LONRF1: variants seen among roughly 807,000 people sequenced by gnomAD.
LONRF1 encodes the protein LON peptidase N-terminal domain and ring finger 1.
Under a neutral mutation model 85.8 loss-of-function variants are expected in LONRF1, and 37 were observed. That is an observed-to-expected ratio of 0.43 (90% confidence interval 0.33 to 0.57). The LOEUF is 0.57. LONRF1 is among the 20% of genes least tolerant of loss of function. The pLI is 0.04. For missense variants in LONRF1, 1,036 were observed against 978.0 expected (o/e 1.06, Z -0.79); for synonymous variants, 517 against 390.1 (o/e 1.33, Z -3.83).
rs542357129 is a variant in LONRF1 at position 12,745,206 on chromosome 8, C to T, written c.722-1924G>A. 7.2e-5 allele frequency among the ~76,000 whole-genome samples: 11 copies of T among 151,972 alleles called. No homozygotes were observed. The South Asian group carries it at 1.0e-3, about 14-fold the overall frequency. On this transcript the variant is annotated intron_variant, in intron 1 of 11. Coordinates refer to ENST00000398246, the MANE Select transcript of LONRF1 (RefSeq NM_152271.5). Reference sequence around the variant, plus strand: ...TGTTGGGGTAAGAAGAGAAGATGCACGCCCTAAGTAGAGATAAAAAGAGCC... The same window carrying T: ...TGTTGGGGTAAGAAGAGAAGATGCATGCCCTAAGTAGAGATAAAAAGAGCC...
rs143151853 is a variant in LONRF1, at chr8:12,738,259, A to G, written c.964-115T>C. 7.0e-6 allele frequency: 5 copies of G among 717,960 alleles called. No homozygotes were observed. The East Asian group carries it at 1.5e-4, about 22-fold the overall frequency. 44.5% of individuals were successfully genotyped at this position (717,960 alleles called of 1,614,324 possible). A position where few individuals can be genotyped will look rare whatever the true frequency, so the allele number is the denominator to read the frequency against. On this transcript the variant is annotated intron_variant, in intron 3 of 11. Coordinates refer to ENST00000398246, the MANE Select transcript of LONRF1 (RefSeq NM_152271.5). ...AAAGTTTGTAGCAGACATTTTTTTA[A>G]TGAGCAGGAGGGGAACAAGGTAAGC...
At chr8:12,730,059 T>C (rs56114121) in intron 8 of LONRF1, among the ~76,000 whole-genome samples, 17,755 of 152,172 alleles carry the variant, frequency 0.12, 1,391 homozygotes, top group South Asian at 0.24. Flanking sequence ...CAGCTTATTT[T>C]CAGACATAAG....
intron 8 of LONRF1, among the ~76,000 whole-genome samples, chr8:12,730,342 C>T (rs1036329248): frequency 6.6e-6 from 1 of 152,126 alleles, no homozygotes; most frequent in African/African-American, 2.4e-5. Context: ...ATATGTATGC[C>T]AAAATGCCAA....
chr8:12,723,285 T>A, intron 11 of LONRF1, 31 bp from the exon 12 acceptor site: 1 of 1,569,088 alleles, frequency 6.4e-7, no homozygotes, highest in Non-Finnish European at 8.6e-7. Context: ...ATAGCATTAA[T>A]AAAACAAGGA....
At chr8:12,733,832 A>G (rs1271876013) in intron 7 of LONRF1, among the ~76,000 whole-genome samples, 10 of 152,182 alleles carry the variant, frequency 6.6e-5, no homozygotes, top group Non-Finnish European at 1.2e-4. Context: ...TGAACAGCAT[A>G]CCAATCTTTT....
intron 10 of LONRF1, 104 bp downstream of exon 10, chr8:12,728,797 C>T (rs1180123077): frequency 9.5e-6 from 12 of 1,267,178 alleles, no homozygotes; most frequent in South Asian, 1.4e-5. Context: ...GTAAGGCTGT[C>T]TGATAAGAAC....
intron 1 of LONRF1, among the ~76,000 whole-genome samples, chr8:12,747,165 G>C (rs1222353809): frequency 6.6e-6 from 1 of 152,048 alleles, no homozygotes; most frequent in Non-Finnish European, 1.5e-5. Flanking sequence ...AGTATTATTT[G>C]TAAGTCATTC....
At chr8:12,740,114 G>C (rs995389665) in intron 3 of LONRF1, among the ~76,000 whole-genome samples, 4 of 152,120 alleles carry the variant, frequency 2.6e-5, no homozygotes, top group Non-Finnish European at 4.4e-5. Flanking sequence ...CTGACAAAAA[G>C]CCACACTCTA....
intron 1 of LONRF1, among the ~76,000 whole-genome samples, chr8:12,743,483 G>T (rs1017703392): frequency 1.3e-5 from 2 of 152,118 alleles, no homozygotes; most frequent in African/African-American, 4.8e-5. Flanking sequence ...TCAAATCATT[G>T]TAAGTAGATC....
Position 12,729,008 on chromosome 8 carries a change from C to T in LONRF1, c.1903G>A (p.Gly635Arg), listed in dbSNP as rs779311302. ...QIRNVHFLPDGRSVVDTVGGK... is the reference protein window; with the variant it reads ...QIRNVHFLPDRRSVVDTVGGK... The stretch of plus-strand genomic sequence containing the variant: ...CCAACTGTATCAACCACAGACCTTC[C>T]GTCCGGTAAGAAATGCACGTTTCTA... The change falls in exon 10 of 12, where the codon GGA becomes AGA. Residue 635 changes from glycine to arginine, a missense_variant. Physicochemically the swap from Gly to Arg is moderately radical, Grantham distance 125. Around this residue, in one of 3 missense-constraint regions of LONRF1, gnomAD observed 265 missense variants for 301.5 expected, o/e 0.88. Transcript: ENST00000398246. The T allele has an allele frequency of 1.2e-6, 2 of 1,614,020 alleles. No homozygotes were observed. The highest frequency in any genetic ancestry group is 1.7e-5 in the Admixed American group (1 of 60,008).
At chr8:12,730,748 T>C (rs1033368753) in intron 8 of LONRF1, among the ~76,000 whole-genome samples, 8 of 152,302 alleles carry the variant, frequency 5.3e-5, no homozygotes, top group Middle Eastern at 3.4e-3. Context: ...AGAAGACAAA[T>C]CAATATCTAT....
At chr8:12,746,673 G>T (rs889080495) in intron 1 of LONRF1, among the ~76,000 whole-genome samples, 2 of 152,144 alleles carry the variant, frequency 1.3e-5, no homozygotes, top group Non-Finnish European at 2.9e-5. Flanking sequence ...TGTTCTAAAT[G>T]ATTTACAATC....
chr8:12,737,717 G>T (rs1027438429), intron 4 of LONRF1, among the ~76,000 whole-genome samples: 7 of 152,014 alleles, frequency 4.6e-5, no homozygotes, highest in Non-Finnish European at 1.0e-4. Context: ...TAACACAGCT[G>T]TTACTACCCT....
chr8:12,739,873 G>A (rs781262312), intron 3 of LONRF1, among the ~76,000 whole-genome samples: 6 of 152,162 alleles, frequency 3.9e-5, no homozygotes, highest in Non-Finnish European at 5.9e-5. Context: ...TCTTAAATCA[G>A]TGGGCTAGAA....
chr8:12,751,688 C>CTT (rs74275298), intron 1 of LONRF1, among the ~76,000 whole-genome samples: 5,332 of 140,892 alleles, frequency 0.038, 138 homozygotes, highest in South Asian at 0.13. Context: ...ACCTTACAAC[C>CTT]TTTTTTTTTT....
intron 8 of LONRF1, 44 bp from the exon 9 acceptor site, chr8:12,729,376 A>G: frequency 6.3e-7 from 1 of 1,585,018 alleles, no homozygotes; most frequent in Admixed American, 1.7e-5. Flanking sequence ...TACAAGAAAA[A>G]TATTACCGAA....
chr8:12,723,932 A>G (rs536484197), intron 11 of LONRF1, among the ~76,000 whole-genome samples: 1 of 152,346 alleles, frequency 6.6e-6, no homozygotes, highest in African/African-American at 2.4e-5. Context: ...ACTATTGGCT[A>G]TTGAAACAAC....
At chr8:12,750,399 A>G (rs1206208351) in intron 1 of LONRF1, among the ~76,000 whole-genome samples, 3 of 152,194 alleles carry the variant, frequency 2.0e-5, no homozygotes, top group Non-Finnish European at 4.4e-5. Context: ...CCCTATATAT[A>G]CTATCATACC....
intron 1 of LONRF1, among the ~76,000 whole-genome samples, chr8:12,752,156 G>C (rs1799433405): frequency 6.6e-6 from 1 of 152,140 alleles, no homozygotes; most frequent in African/African-American, 2.4e-5. Context: ...AGAAATTATA[G>C]TGAAGATCTT....
Sources: gnomAD v4.1 joint callset for allele counts (sites outside exome capture counted in the v4.1 genomes callset) on GRCh38, gnomAD v4.1.1 for gene constraint, gnomAD v4.1.1 regional missense constraint, MANE v1.5 for transcripts, NCBI Gene and HGNC (gene_info 2026-07-23, HGNC 2026-07-21) for gene names.